Variants in TLE1 observed in about 807,000 individuals in gnomAD.
TLE1 encodes the protein TLE family member 1, transcriptional corepressor.
TLE1 carries 21 observed loss-of-function variants against 89.8 expected under a neutral mutation model. That is an observed-to-expected ratio of 0.23 (90% CI 0.17 to 0.34). TLE1 has a LOEUF of 0.34. TLE1 is among the 10% of genes least tolerant of loss of function. TLE1 has a pLI of 1.00. For missense variants in TLE1, 795 were observed against 1,031.2 expected, an observed-to-expected ratio of 0.77 and a Z score of 3.14; for synonymous variants, 447 against 407.6, an observed-to-expected ratio of 1.10 and a Z score of -1.16.
intron 6 of TLE1, among the ~76,000 whole-genome samples, chr9:81,639,302 G>A (rs975240564): frequency 6.6e-6 from 1 of 152,088 alleles, no homozygotes; most frequent in South Asian, 2.1e-4. Context: ...CTGGCTTCAA[G>A]CAATCCTCCT....
rs757188226 is a variant in TLE1 at position 81,613,419 on chromosome 9, G to A, written c.1021C>T (p.Leu341Phe). The A allele has an allele frequency of 6.2e-7, 1 of 1,614,148 alleles. No individual in the cohort carries two copies. The highest frequency in any genetic ancestry group is 8.5e-7 in the Non-Finnish European group (1 of 1,179,986). The stretch of plus-strand genomic sequence containing the variant: ...GGGTCTATGGCTGGAGGCTTGCCGA[G>A]ACCTGGACGGAGGCCTGGAGTGGCG... ...TSATPGLRPG[L>F]GKPPAIDPLV... The change falls in exon 12 of 20, where the codon CTC becomes TTC. Residue 341 changes from leucine to phenylalanine, a missense_variant. Coordinates refer to ENST00000376499, the MANE Select transcript of TLE1 (RefSeq NM_005077.5).
intron 7 of TLE1, 118 bp downstream of exon 7, chr9:81,633,979 T>A: frequency 8.6e-7 from 1 of 1,157,808 alleles, no homozygotes; most frequent in Non-Finnish European, 1.2e-6. Context: ...CGACAGTTCC[T>A]CTTATCTCAT....
intron 6 of TLE1, among the ~76,000 whole-genome samples, chr9:81,650,397 C>T (rs1274658200): frequency 2.0e-5 from 3 of 152,176 alleles, no homozygotes; most frequent in Admixed American, 1.3e-4. Flanking sequence ...ACATGTTCCA[C>T]AAAGTTTAAC....
In TLE1 at chr9:81,666,116, C is replaced by T. The variant is rs143702053; in HGVS notation, c.235-12080G>A. On this transcript the variant is annotated intron_variant, in intron 4 of 19. Coordinates refer to ENST00000376499, the MANE Select transcript of TLE1 (RefSeq NM_005077.5). ...ATTCAGAAACCCTTGTTATGGAGTT[C>T]AGAAAGAGCCTGTTCACAGGAAATG... 2.0e-3 allele frequency among the ~76,000 whole-genome samples: 311 copies of T among 152,190 alleles called. 1 individual carries two copies. The highest frequency in any genetic ancestry group is 7.2e-3 in the African/African-American group (298 of 41,544).
rs754927624 is a variant in TLE1 at position 81,616,013 on chromosome 9, G to A, written c.887C>T (p.Ser296Phe). The change falls in exon 11 of 20, where the codon TCC becomes TTC. Residue 296 changes from serine (S) to phenylalanine (F), a missense_variant. Physicochemically the swap from Ser to Phe is radical, Grantham distance 155 (BLOSUM62 -2). Transcript: ENST00000376499. ...CATTTCTTTGGATTTCAAAGAAGTG[G>A]AACTTGCCGAGGAGGCCGTGGAAGC... ...SPASTASSAS[S>F]TSLKSKEMSL... The A allele has an allele frequency of 5.6e-6, 9 of 1,613,712 alleles. No individual in the cohort carries two copies. In the East Asian group the frequency reaches 1.8e-4, roughly 32 times the overall value.
Position 81,624,144 on chromosome 9 carries a change from T to G in TLE1, c.595-3587A>C, listed in dbSNP as rs114862116. ...CTTTCAACTACTGCACTTAACATTC[T>G]AATGTGACATAATACCTGACGCATG... On this transcript the variant is annotated intron_variant, in intron 8 of 19. Transcript: ENST00000376499. 4.5e-3 allele frequency among the ~76,000 whole-genome samples: 690 copies of G among 152,344 alleles called. 5 individuals are homozygous for G. Among genetic ancestry groups the G allele is most frequent in the African/African-American group, 0.015 (641 of 41,584 alleles).
chr9:81,585,567 G>C lies in TLE1; in HGVS notation c.2066C>G (p.Pro689Arg). The C allele has an allele frequency of 6.2e-7, 1 of 1,614,154 alleles. No homozygotes were observed. Among genetic ancestry groups the C allele is most frequent in the Non-Finnish European group, 8.5e-7 (1 of 1,180,036 alleles). The change falls in exon 18 of 20, where the codon CCT becomes CGT. Residue 689 changes from proline to arginine, a missense_variant. Coordinates refer to ENST00000376499, the MANE Select transcript of TLE1 (RefSeq NM_005077.5). Reference sequence around the variant, plus strand: ...ATGCAGGTGCAGCTGGTACTTGTCAGGCTTGTTCACGTGCAGCACCTCCAC... The same window carrying C: ...ATGCAGGTGCAGCTGGTACTTGTCACGCTTGTTCACGTGCAGCACCTCCAC... ...SNVEVLHVNK[P>R]DKYQLHLHES... is the part of the protein sequence containing the mutation.
intron 8 of TLE1, among the ~76,000 whole-genome samples, chr9:81,623,558 C>A (rs955889294): frequency 1.4e-4 from 20 of 147,242 alleles, no homozygotes; most frequent in Non-Finnish European, 3.0e-5. Flanking sequence ...GCAGGCAGAT[C>A]GCCTGTGAAA....
At chr9:81,609,243 C>T (rs1036725215) in intron 14 of TLE1, among the ~76,000 whole-genome samples, 2 of 152,066 alleles carry the variant, frequency 1.3e-5, no homozygotes, top group Admixed American at 1.3e-4. Context: ...TACCACCACG[C>T]CCAGCTAATT....
Position 81,663,715 on chromosome 9 carries a change from C to T in TLE1, c.235-9679G>A, listed in dbSNP as rs1197212595. ...TCGGCTCACTGCAAGCTCTGCCTCCCGGGTTCACGCCATTCTCACGCCTGC... is the reference window on the plus strand; with the variant it reads ...TCGGCTCACTGCAAGCTCTGCCTCCTGGGTTCACGCCATTCTCACGCCTGC... On this transcript the variant is annotated intron_variant, in intron 4 of 19. Transcript: ENST00000376499. 4.0e-5 allele frequency among the ~76,000 whole-genome samples: 6 copies of T among 151,732 alleles called. No homozygotes were observed. The East Asian group carries it at 5.9e-4, about 15-fold the overall frequency.
At chr9:81,631,747 T>G (rs1352314138) in intron 8 of TLE1, among the ~76,000 whole-genome samples, 1 of 152,234 alleles carries the variant, frequency 6.6e-6, no homozygotes, top group Non-Finnish European at 1.5e-5. Context: ...TCCCCAAATT[T>G]CTTCTGTGAT....
chr9:81,649,713 G>A lies in TLE1; in HGVS notation c.372+2501C>T, dbSNP rs181750469. Among the ~76,000 whole-genome samples, 433 of 152,204 alleles carry A rather than the reference G, an allele frequency of 2.8e-3. 1 individual carries two copies. The highest frequency in any genetic ancestry group is 4.6e-3 in the Non-Finnish European group (316 of 68,012). On this transcript the variant is annotated intron_variant, in intron 6 of 19. Transcript: ENST00000376499. ...TCAAACCAGGCTGCATTTACTCTGC[G>A]CGCAGCTGCTGCTTGTAGGAACAGA...
chr9:81,677,584 A>G (rs1371826162), intron 4 of TLE1, among the ~76,000 whole-genome samples: 1 of 150,912 alleles, frequency 6.6e-6, no homozygotes, highest in African/African-American at 2.4e-5. Flanking sequence ...AAAAAAAAAA[A>G]GTAAACAACT....
chr9:81,642,708 A>AGG (rs1828292439), intron 6 of TLE1, among the ~76,000 whole-genome samples: 1 of 138,510 alleles, frequency 7.2e-6, no homozygotes, highest in African/African-American at 2.8e-5. Flanking sequence ...AATGAAAGAA[A>AGG]AGAAAGAAAG....
chr9:81,611,937 C>A lies in TLE1; in HGVS notation c.1086G>T (p.Leu362=). Residue 362 remains leucine, a synonymous_variant, in exon 13 of 20, where the codon CTG becomes CTT. Transcript: ENST00000376499. The stretch of plus-strand genomic sequence containing the variant: ...GAGCAGGATATGGGCCGGGCACTGC[C>A]AGGGGTGTCCTCAAGCCAGCTGCTG... ...NQAAAGLRTP[L]AVPGPYPAPF... The A allele has an allele frequency of 6.8e-7, 1 of 1,471,526 alleles. No homozygotes were observed. Among genetic ancestry groups the A allele is most frequent in the Admixed American group, 2.7e-5 (1 of 36,760 alleles). 91.2% of individuals were successfully genotyped at this position (1,471,526 alleles called of 1,614,324 possible).
chr9:81,613,622 C>T, intron 11 of TLE1, 101 bp from the exon 12 acceptor site: 2 of 1,339,846 alleles, frequency 1.5e-6, no homozygotes, highest in Non-Finnish European at 2.1e-6. Flanking sequence ...CTTCTAGCTA[C>T]TCCCTCAGCC....
chr9:81,617,712 A>G (rs1457834584), intron 9 of TLE1, among the ~76,000 whole-genome samples: 1 of 151,440 alleles, frequency 6.6e-6, no homozygotes, highest in African/African-American at 2.4e-5. Flanking sequence ...AAAAAAATAA[A>G]TAAAATAAAG....
chr9:81,584,366 T>A (rs1279979364), intron 19 of TLE1, 61 bp from the exon 20 acceptor site: 16 of 1,606,120 alleles, frequency 1.0e-5, no homozygotes, highest in Non-Finnish European at 1.4e-5. Flanking sequence ...GAGGCCCTGC[T>A]CCCTCGGAGG....
chr9:81,608,059 C>A (rs988012608), intron 14 of TLE1, among the ~76,000 whole-genome samples: 1 of 152,198 alleles, frequency 6.6e-6, no homozygotes, highest in African/African-American at 2.4e-5. Context: ...TTATTTGAAA[C>A]AAGGCTCTTA....
Sources: gnomAD v4.1 joint callset for allele counts (sites outside exome capture counted in the v4.1 genomes callset) on GRCh38, gnomAD v4.1.1 for gene constraint, MANE v1.5 for transcripts, NCBI Gene and HGNC (gene_info 2026-07-23, HGNC 2026-07-21) for gene names.